The following ATRNL1 variants were observed in gnomAD, a reference collection of about 807,000 sequenced individuals.
The protein encoded by ATRNL1 is attractin-like protein 1.
In ATRNL1, 95 loss-of-function variants were observed where a neutral mutation model predicts 182.7. The ratio of observed to expected loss-of-function variants is 0.52; its 90% CI spans 0.44 to 0.62. The LOEUF (loss-of-function observed/expected upper bound fraction) is 0.62. Among genes scored for constraint, ATRNL1 ranks in the 20% least tolerant of loss-of-function variants. The probability of loss-of-function intolerance (pLI) is 0.00; values close to 1 mark genes in which losing one functional copy is unlikely to be tolerated. For missense variants in ATRNL1, 1,471 were observed against 1,679.5 expected (o/e 0.88, Z 2.17); for synonymous variants, 576 against 568.3 (o/e 1.01, Z -0.19).
In ATRNL1 at chr10:115,394,970, A is replaced by G. The variant is rs528417119; in HGVS notation, c.3269+218A>G. On this transcript the variant is annotated intron_variant, in intron 20 of 28. Coordinates refer to ENST00000355044, the MANE Select transcript of ATRNL1 (RefSeq NM_207303.4). ...GGATATGATTGATCCCATTATCCAG[A>G]TACTGTGCATAGTACCCAATAGATA... Among the ~76,000 whole-genome samples the G allele has an allele frequency of 3.3e-5, 5 of 152,080 alleles. No homozygotes were observed. In the South Asian group the frequency reaches 1.0e-3, roughly 32 times the overall value.
chr10:115,272,709 C>G (rs575419834), intron 13 of ATRNL1, among the ~76,000 whole-genome samples: 310 of 152,240 alleles, frequency 2.0e-3, no homozygotes, highest in Non-Finnish European at 3.8e-3. Context: ...CTGGAGAACC[C>G]TTCTGTCAGC....
chr10:115,261,868 A>G (rs575136889), intron 10 of ATRNL1, among the ~76,000 whole-genome samples: 1 of 152,172 alleles, frequency 6.6e-6, no homozygotes, highest in African/African-American at 2.4e-5. Context: ...CAATATAGCA[A>G]TTCCCCATCT....
intron 2 of ATRNL1, among the ~76,000 whole-genome samples, chr10:115,121,168 G>A (rs919617054): frequency 6.6e-6 from 1 of 151,836 alleles, no homozygotes; most frequent in African/African-American, 2.4e-5. Flanking sequence ...GCTGGAGTGC[G>A]GTGGTGCGAT....
At position 115,866,320 on chromosome 10, in the gene ATRNL1, C is replaced by T. The variant is rs183587565; in HGVS notation, c.4018+18329C>T. On this transcript the variant is annotated intron_variant, in intron 28 of 28. Transcript: ENST00000355044. The stretch of plus-strand genomic sequence containing the variant: ...CATTCCTATTATGACTTTTTCTGAA[C>T]TTAGAAAATACATTCAAGTAGTCTA... Among the ~76,000 whole-genome samples the T allele has an allele frequency of 5.1e-4, 78 of 152,182 alleles. 1 individual carries two copies. The highest frequency in any genetic ancestry group is 1.8e-3 in the African/African-American group (75 of 41,542).
At chr10:115,915,400 A>G (rs1555116972) in intron 28 of ATRNL1, among the ~76,000 whole-genome samples, 4 of 151,984 alleles carry the variant, frequency 2.6e-5, no homozygotes, top group Non-Finnish European at 5.9e-5. Flanking sequence ...TCCATCTCAA[A>G]AAAAAAAAAA....
intron 21 of ATRNL1, among the ~76,000 whole-genome samples, chr10:115,443,738 A>G (rs1846818430): frequency 1.3e-5 from 2 of 152,082 alleles, no homozygotes; most frequent in Admixed American, 1.3e-4. Flanking sequence ...AAAGATAACA[A>G]ATTCACCAAG....
chr10:115,143,983 C>CTTTT (rs58145958), intron 5 of ATRNL1, among the ~76,000 whole-genome samples: 1 of 139,556 alleles, frequency 7.2e-6, no homozygotes, highest in African/African-American at 2.6e-5. Context: ...TTTTTTGTTT[C>CTTTT]TTTTTTTTTT....
At chr10:115,573,364 G>T (rs1444537124) in intron 26 of ATRNL1, among the ~76,000 whole-genome samples, 1 of 151,650 alleles carries the variant, frequency 6.6e-6, no homozygotes, top group Non-Finnish European at 1.5e-5. Context: ...TTGTTCCATT[G>T]TCTGTCTGCT....
chr10:115,652,667 A>G (rs1860086684), intron 26 of ATRNL1, among the ~76,000 whole-genome samples: 5 of 152,084 alleles, frequency 3.3e-5, no homozygotes, highest in African/African-American at 1.2e-4. Flanking sequence ...GAGGTCTCAT[A>G]TACTGTAAAA....
At chr10:115,136,073 A>C (rs1845501337) in intron 5 of ATRNL1, among the ~76,000 whole-genome samples, 1 of 151,580 alleles carries the variant, frequency 6.6e-6, no homozygotes, top group Non-Finnish European at 1.5e-5. Context: ...TATGTTGCTC[A>C]GACTGGTCTC....
chr10:115,865,227 T>C (rs1951413094), intron 28 of ATRNL1, among the ~76,000 whole-genome samples: 1 of 152,132 alleles, frequency 6.6e-6, no homozygotes, highest in Non-Finnish European at 1.5e-5. Flanking sequence ...TCAATAATAG[T>C]ATATTAATGT....
At chr10:115,403,171 C>T (rs1176648158) in intron 20 of ATRNL1, among the ~76,000 whole-genome samples, 1 of 150,474 alleles carries the variant, frequency 6.6e-6, no homozygotes, top group Admixed American at 6.6e-5. Context: ...GCCTTCTTTT[C>T]TAGAACAGAT....
intron 27 of ATRNL1, among the ~76,000 whole-genome samples, chr10:115,798,179 A>G (rs1555083475): frequency 1.3e-5 from 2 of 152,146 alleles, no homozygotes; most frequent in East Asian, 1.9e-4. Context: ...GGCCTCCCCA[A>G]GTGCTGGGAT....
chr10:115,589,505 T>C (rs1167459656), intron 26 of ATRNL1, among the ~76,000 whole-genome samples: 2 of 152,164 alleles, frequency 1.3e-5, no homozygotes, highest in Non-Finnish European at 2.9e-5. Flanking sequence ...AGTAATTGTA[T>C]TAGAGTTCCA....
chr10:115,579,320 T>A (rs1854925101), intron 26 of ATRNL1, among the ~76,000 whole-genome samples: 1 of 151,846 alleles, frequency 6.6e-6, no homozygotes, highest in Non-Finnish European at 1.5e-5. Flanking sequence ...TGCTGTCTAT[T>A]TCTCTCTTTA....
chr10:115,585,466 G>C (rs1483280293), intron 26 of ATRNL1, among the ~76,000 whole-genome samples: 1 of 125,770 alleles, frequency 8.0e-6, no homozygotes, highest in Non-Finnish European at 1.7e-5. Context: ...AGGATAGTTA[G>C]CTCTTCTTGT....
chr10:115,768,834 T>A, intron 27 of ATRNL1, among the ~76,000 whole-genome samples: 1 of 152,092 alleles, frequency 6.6e-6, no homozygotes, highest in Non-Finnish European at 1.5e-5. Context: ...GCTCCTGGGA[T>A]CAGCAAGAAA....
chr10:115,642,440 CT>C (rs71303504), intron 26 of ATRNL1, among the ~76,000 whole-genome samples: 2 of 148,808 alleles, frequency 1.3e-5, no homozygotes, highest in African/African-American at 4.9e-5. Context: ...AATTCTAGTG[CT>C]TTTTTTTTTC....
chr10:115,454,329 G>A (rs1847422870), intron 21 of ATRNL1, among the ~76,000 whole-genome samples: 1 of 152,108 alleles, frequency 6.6e-6, no homozygotes, highest in South Asian at 2.1e-4. Flanking sequence ...GAAATCAGGG[G>A]TATGATACCT....
Sources: gnomAD v4.1 joint callset for allele counts (sites outside exome capture counted in the v4.1 genomes callset) on GRCh38, gnomAD v4.1.1 for gene constraint, MANE v1.5 for transcripts, NCBI Gene and HGNC (gene_info 2026-07-23, HGNC 2026-07-21) for gene names.